The following FA2H variants were observed in gnomAD, a reference collection of about 807,000 sequenced individuals.
FA2H encodes the protein fatty acid alpha-hydroxylase.
Under a neutral mutation model 44.9 loss-of-function variants are expected in FA2H, and 22 were observed. The ratio of observed to expected loss-of-function variants is 0.49; its 90% CI spans 0.35 to 0.70. FA2H has a LOEUF of 0.70. FA2H is among the 30% of genes least tolerant of loss of function. The probability of loss-of-function intolerance (pLI) is 0.01; values close to 1 mark genes in which losing one functional copy is unlikely to be tolerated. For missense variants in FA2H, 501 were observed against 504.9 expected, an observed-to-expected ratio of 0.99 and a Z score of 0.07; for synonymous variants, 243 against 213.2, an observed-to-expected ratio of 1.14 and a Z score of -1.22.
At position 74,774,788 on chromosome 16, in the gene FA2H, G is replaced by T; in HGVS notation, c.-33C>A. 1 of 1,276,702 alleles carries T rather than the reference G, an allele frequency of 7.8e-7. No individual in the cohort carries two copies. The highest frequency in any genetic ancestry group is 9.8e-7 in the Non-Finnish European group (1 of 1,017,630). The allele number at this position is 1,276,702 out of a possible 1,614,324, so 79.1% of individuals were successfully genotyped here. A position where few individuals can be genotyped will look rare whatever the true frequency, so the allele number is the denominator to read the frequency against. Reference sequence around the variant, plus strand: ...GACCGCAGCTCCCAGCGCGCAGCCCGGCGTCTGCTCTGCTGCCACCCTGAG... The same window carrying T: ...GACCGCAGCTCCCAGCGCGCAGCCCTGCGTCTGCTCTGCTGCCACCCTGAG... On this transcript the variant is annotated 5_prime_UTR_variant, in exon 1 of 7. Transcript: ENST00000219368.
chr16:74,733,970 A>T (rs1363414988), intron 2 of FA2H, among the ~76,000 whole-genome samples: 1 of 152,144 alleles, frequency 6.6e-6, no homozygotes, highest in Non-Finnish European at 1.5e-5. Flanking sequence ...GAAAGCAGGG[A>T]AGGCCCCCTT....
intron 1 of FA2H, among the ~76,000 whole-genome samples, chr16:74,750,761 C>CTGTGTGTGTG (rs55799456): frequency 0.039 from 5,510 of 141,572 alleles, 202 homozygotes; most frequent in African/African-American, 0.09. Context: ...TTTTTTTTCA[C>CTGTGTGTGTG]TGTGTGTGTG....
chr16:74,760,095 A>C (rs1317712582), intron 1 of FA2H, among the ~76,000 whole-genome samples: 1 of 152,126 alleles, frequency 6.6e-6, no homozygotes, highest in Non-Finnish European at 1.5e-5. Context: ...TCGTTATCCA[A>C]GTGTTCTTTA....
Position 74,719,140 on chromosome 16 carries a change from T to C in FA2H, c.634A>G (p.Lys212Glu), listed in dbSNP as rs751056475. The C allele has an allele frequency of 2.5e-6, 4 of 1,613,500 alleles. No homozygotes were observed. Among genetic ancestry groups the C allele is most frequent in the African/African-American group, 1.3e-5 (1 of 75,034 alleles). The change falls in exon 5 of 7, where the codon AAG becomes GAG. Residue 212 changes from lysine (K) to glutamate (E), a missense_variant. Physicochemically the swap from Lys to Glu is moderately conservative, Grantham distance 56. Coordinates refer to ENST00000219368, the MANE Select transcript of FA2H (RefSeq NM_024306.5). Reference protein sequence around the residue: ...FTTEYTVAVPKSMFPGLFMLG... With the variant: ...FTTEYTVAVPESMFPGLFMLG... Reference sequence around the variant, plus strand: ...ATGAAGAGCCCGGGGAACATGGACTTGGGCACTGCCACCGTGTACTCTGCA... The same window carrying C: ...ATGAAGAGCCCGGGGAACATGGACTCGGGCACTGCCACCGTGTACTCTGCA...
At chr16:74,727,410 A>G (rs1961983713) in intron 2 of FA2H, 24 bp from the exon 3 acceptor site, 1 of 1,613,750 alleles carries the variant, frequency 6.2e-7, no homozygotes, top group Non-Finnish European at 8.5e-7. Context: ...AGCCAAGTGG[A>G]CGTTTGATAT....
Position 74,774,467 on chromosome 16 carries a change from G to A in FA2H, c.270+19C>T, listed in dbSNP as rs895317904. 6.7e-7 allele frequency: 1 copy of A among 1,498,156 alleles called. No homozygotes were observed. Among genetic ancestry groups the A allele is most frequent in the Non-Finnish European group, 8.9e-7 (1 of 1,129,588 alleles). 92.8% of individuals were successfully genotyped at this position (1,498,156 alleles called of 1,614,324 possible). A position where few individuals can be genotyped will look rare whatever the true frequency, so the allele number is the denominator to read the frequency against. On this transcript the variant is annotated intron_variant, in intron 1 of 6. Transcript: ENST00000219368. ...GACGGAGGCCTGGGTTGGGGTGGGG[G>A]GCCCCGGCCCGGCTGTACCTGCTGC...
intron 1 of FA2H, among the ~76,000 whole-genome samples, chr16:74,742,958 G>C (rs1236251455): frequency 6.6e-6 from 1 of 152,106 alleles, no homozygotes; most frequent in East Asian, 1.9e-4. Flanking sequence ...TTCCAAGGAA[G>C]GCAGTTGGCA....
At chr16:74,720,870 A>G (rs1008145471) in intron 4 of FA2H, among the ~76,000 whole-genome samples, 1 of 152,212 alleles carries the variant, frequency 6.6e-6, no homozygotes, top group Non-Finnish European at 1.5e-5. Flanking sequence ...CTCTTACCGA[A>G]TATGTTCAAC....
At chr16:74,729,004 AT>A (rs35360701) in intron 2 of FA2H, among the ~76,000 whole-genome samples, 52 of 38,988 alleles carry the variant, frequency 1.3e-3, no homozygotes, top group East Asian at 5.7e-3. Flanking sequence ...GATGGTCTTG[AT>A]TTTTTTTTTT....
intron 2 of FA2H, among the ~76,000 whole-genome samples, chr16:74,732,915 G>C (rs1962102442): frequency 6.6e-6 from 1 of 152,206 alleles, no homozygotes; most frequent in Non-Finnish European, 1.5e-5. Context: ...TACAGGTGTG[G>C]TGGGAACAGA....
chr16:74,714,316 G>A (rs371083779), intron 6 of FA2H, 47 bp from the exon 7 acceptor site: 1 of 1,231,914 alleles, frequency 8.1e-7, no homozygotes, highest in Non-Finnish European at 1.2e-6. Flanking sequence ...TGAAGGAGCA[G>A]GCGTGCGCTG....
chr16:74,728,267 A>G (rs1361008893), intron 2 of FA2H, among the ~76,000 whole-genome samples: 3 of 152,196 alleles, frequency 2.0e-5, no homozygotes, highest in Non-Finnish European at 2.9e-5. Flanking sequence ...CTTCAAAAAT[A>G]AAAAAATAAT....
chr16:74,760,308 G>A (rs1444140269), intron 1 of FA2H, among the ~76,000 whole-genome samples: 3 of 152,208 alleles, frequency 2.0e-5, no homozygotes, highest in Admixed American at 6.5e-5. Context: ...TATTTGGGGT[G>A]TTTTGCAGGC....
chr16:74,751,679 C>CGGACAGCAGCTTTGT, intron 1 of FA2H, among the ~76,000 whole-genome samples: 1 of 152,012 alleles, frequency 6.6e-6, no homozygotes, highest in African/African-American at 2.4e-5. Flanking sequence ...AAATGACACA[C>CGGACAGCAGCTTTGT]GGACAGCAGC....
chr16:74,758,417 G>C (rs909991290), intron 1 of FA2H, among the ~76,000 whole-genome samples: 3 of 151,918 alleles, frequency 2.0e-5, no homozygotes, highest in Admixed American at 6.6e-5. Context: ...ACCGTGCCCG[G>C]CTGGAAACAA....
intron 4 of FA2H, among the ~76,000 whole-genome samples, chr16:74,723,035 G>A (rs1279211108): frequency 6.6e-6 from 1 of 152,100 alleles, no homozygotes; most frequent in African/African-American, 2.4e-5. Context: ...AGCTGGCTGT[G>A]GCATATGACA....
rs370196107 is a variant in FA2H, at chr16:74,728,250, T to G, written c.364-864A>C. 4.3e-4 allele frequency among the ~76,000 whole-genome samples: 66 copies of G among 152,272 alleles called. 1 individual carries two copies. In the East Asian group the frequency reaches 0.012, roughly 28 times the overall value. ...ACCAGCCTGGGCAATAGTTCGAGACTCCGTCTCTTCAAAAATAAAAAAATA... is the reference window on the plus strand; with the variant it reads ...ACCAGCCTGGGCAATAGTTCGAGACGCCGTCTCTTCAAAAATAAAAAAATA... On this transcript the variant is annotated intron_variant, in intron 2 of 6. Transcript: ENST00000219368.
intron 2 of FA2H, among the ~76,000 whole-genome samples, chr16:74,728,930 G>A (rs554644641): frequency 7.3e-5 from 9 of 123,248 alleles, no homozygotes; most frequent in South Asian, 2.6e-4. Flanking sequence ...CTACAGGCAC[G>A]CACCACCACG....
chr16:74,715,264 G>C (rs1193742948), intron 6 of FA2H, among the ~76,000 whole-genome samples: 4 of 152,002 alleles, frequency 2.6e-5, no homozygotes, highest in African/African-American at 9.7e-5. Flanking sequence ...AGATTTCAAA[G>C]ACTTAGTATA....
Sources: gnomAD v4.1 joint callset for allele counts (sites outside exome capture counted in the v4.1 genomes callset) on GRCh38, gnomAD v4.1.1 for gene constraint, MANE v1.5 for transcripts, NCBI Gene and HGNC (gene_info 2026-07-23, HGNC 2026-07-21) for gene names.